The following TNIK variants were observed in gnomAD, a reference collection of about 807,000 sequenced individuals.
The protein encoded by TNIK is TRAF2 and NCK interacting kinase, also known as TRAF2 and NCK-interacting protein kinase.
In TNIK, 49 loss-of-function variants were observed where a neutral mutation model predicts 191.3. The ratio of observed to expected loss-of-function variants is 0.26; its 90% confidence interval spans 0.20 to 0.32. The LOEUF is 0.32. TNIK is among the 10% of genes least tolerant of loss of function. TNIK has a pLI of 1.00. For missense variants in TNIK, 1,155 were observed against 1,702.3 expected (o/e 0.68, Z 5.66); for synonymous variants, 594 against 600.9 (o/e 0.99, Z 0.17).
intron 21 of TNIK, among the ~76,000 whole-genome samples, chr3:171,105,962 AAC>A (rs1040972959): frequency 4.6e-5 from 7 of 152,188 alleles, no homozygotes; most frequent in Non-Finnish European, 8.8e-5. Context: ...AGCAATTAAA[AAC>A]ACACTCTCCT....
At position 171,124,135 on chromosome 3, in the gene TNIK, A is replaced by G. The variant is rs190179566; in HGVS notation, c.2014-433T>C. 3.3e-3 allele frequency among the ~76,000 whole-genome samples: 497 copies of G among 152,318 alleles called. 5 individuals carry two copies. Among genetic ancestry groups the G allele is most frequent in the African/African-American group, 0.011 (478 of 41,566 alleles). ...CCACTTTTAGCTTACATCACAATAAACAGATAAGGAAATCATGAAATCTGG... is the reference window on the plus strand; with the variant it reads ...CCACTTTTAGCTTACATCACAATAAGCAGATAAGGAAATCATGAAATCTGG... On this transcript the variant is annotated intron_variant, in intron 17 of 32. Coordinates refer to ENST00000436636, the MANE Select transcript of TNIK (RefSeq NM_015028.4).
chr3:171,071,450 G>GGT (rs2108322918), intron 28 of TNIK, 127 bp from the exon 29 acceptor site: 1 of 747,442 alleles, frequency 1.3e-6, no homozygotes, highest in Non-Finnish European at 2.1e-6. Flanking sequence ...GCTTCATGAA[G>GGT]GTGATATTCC....
chr3:171,096,230 C>T (rs142413264), intron 22 of TNIK, among the ~76,000 whole-genome samples: 4 of 152,206 alleles, frequency 2.6e-5, no homozygotes, highest in Admixed American at 6.5e-5. Context: ...CTGTCCTAGT[C>T]AGACCTGCTT....
chr3:171,100,534 A>G (rs914035892), intron 22 of TNIK, among the ~76,000 whole-genome samples: 1 of 152,102 alleles, frequency 6.6e-6, no homozygotes, highest in Admixed American at 6.6e-5. Context: ...CTGATAATCA[A>G]TGCTAGTAGC....
chr3:171,084,122 TTAAA>T (rs1721037526), intron 26 of TNIK, 29 bp downstream of exon 26: 1 of 1,446,956 alleles, frequency 6.9e-7, no homozygotes, highest in South Asian at 1.4e-5. Flanking sequence ...GAGTGGTTAT[TTAAA>T]AAAAAAAAAA....
Position 171,412,044 on chromosome 3 carries a change from T to C in TNIK, c.58-42359A>G, listed in dbSNP as rs138132702. Among the ~76,000 whole-genome samples the C allele has an allele frequency of 2.5e-3, 380 of 152,308 alleles. 1 individual carries two copies. Among genetic ancestry groups the C allele is most frequent in the African/African-American group, 8.9e-3 (371 of 41,558 alleles). On this transcript the variant is annotated intron_variant, in intron 1 of 32. Transcript: ENST00000436636. ...AGGTCTTCAAGCCTGCTGAGGGGCT[T>C]CTTGAGAAACTTCAAACCATCCTAC...
chr3:171,066,801 T>C (rs1394651422), intron 30 of TNIK, 66 bp from the exon 31 acceptor site: 2 of 1,515,122 alleles, frequency 1.3e-6, no homozygotes, highest in Admixed American at 2.2e-5. Flanking sequence ...TATTCATCTC[T>C]AACAACTGCA....
At chr3:171,163,292 C>T (rs1734232747) in intron 10 of TNIK, among the ~76,000 whole-genome samples, 1 of 152,186 alleles carries the variant, frequency 6.6e-6, no homozygotes, top group African/African-American at 2.4e-5. Context: ...CACATTACTC[C>T]TATCTCTTCA....
intron 18 of TNIK, among the ~76,000 whole-genome samples, chr3:171,113,609 CG>C (rs959425688): frequency 1.9e-4 from 26 of 136,288 alleles, no homozygotes; most frequent in African/African-American, 7.3e-4. Context: ...CTGTCTGTCT[CG>C]AAAAAAAAAA....
At chr3:171,100,178 C>T (rs943822735) in intron 22 of TNIK, among the ~76,000 whole-genome samples, 5 of 152,150 alleles carry the variant, frequency 3.3e-5, no homozygotes, top group African/African-American at 1.2e-4. Context: ...AAGACAAAAA[C>T]TAAAAGGGCC....
At chr3:171,182,032 T>A (rs1358387025) in intron 7 of TNIK, among the ~76,000 whole-genome samples, 2 of 152,136 alleles carry the variant, frequency 1.3e-5, no homozygotes, top group Non-Finnish European at 2.9e-5. Context: ...TTGGGCAGCC[T>A]TTCCCTAAGC....
At chr3:171,259,804 G>C (rs1400703943) in intron 2 of TNIK, among the ~76,000 whole-genome samples, 1 of 152,096 alleles carries the variant, frequency 6.6e-6, no homozygotes, top group Non-Finnish European at 1.5e-5. Flanking sequence ...GTCCTTGTCT[G>C]TCCCTCACCC....
At chr3:171,175,073 A>G (rs910639167) in intron 9 of TNIK, among the ~76,000 whole-genome samples, 179 bp downstream of exon 9, 4 of 152,220 alleles carry the variant, frequency 2.6e-5, no homozygotes, top group Non-Finnish European at 5.9e-5. Flanking sequence ...TGCTGTACAA[A>G]CAGTAGATAC....
chr3:171,207,399 A>G (rs1740230465), intron 4 of TNIK, among the ~76,000 whole-genome samples: 4 of 151,724 alleles, frequency 2.6e-5, no homozygotes, highest in Admixed American at 2.6e-4. Context: ...AGGCCTCACT[A>G]TGTTACCCAC....
At chr3:171,316,027 G>A (rs151059376) in intron 2 of TNIK, among the ~76,000 whole-genome samples, 103 of 152,110 alleles carry the variant, frequency 6.8e-4, no homozygotes, top group Admixed American at 1.1e-3. Context: ...TCTCACTGGC[G>A]TCAAGGAGTT....
chr3:171,074,374 G>A (rs1426137947), intron 28 of TNIK, among the ~76,000 whole-genome samples: 1 of 152,090 alleles, frequency 6.6e-6, no homozygotes, highest in Non-Finnish European at 1.5e-5. Context: ...GGGAGTGGCA[G>A]GTTAAGGGCT....
chr3:171,391,930 AT>A (rs544507709), intron 1 of TNIK, among the ~76,000 whole-genome samples: 2 of 152,010 alleles, frequency 1.3e-5, no homozygotes, highest in Non-Finnish European at 1.5e-5. Context: ...CTGTAGGACA[AT>A]TTTTTTTGAT....
At chr3:171,295,953 A>G (rs1455407574) in intron 2 of TNIK, among the ~76,000 whole-genome samples, 1 of 152,254 alleles carries the variant, frequency 6.6e-6, no homozygotes, top group Non-Finnish European at 1.5e-5. Context: ...GCTTTGGCTC[A>G]GGACATGTAA....
intron 1 of TNIK, among the ~76,000 whole-genome samples, chr3:171,376,750 A>T (rs1002754820): frequency 2.9e-5 from 2 of 69,896 alleles, no homozygotes; most frequent in African/African-American, 8.4e-5. Context: ...GATAGATGAT[A>T]GATAGATAGA....
Sources: allele counts gnomAD v4.1 joint callset (sites outside exome capture counted in the v4.1 genomes callset), GRCh38; gene constraint gnomAD v4.1.1; transcripts MANE v1.5; gene names NCBI Gene and HGNC (gene_info 2026-07-23, HGNC 2026-07-21).